Variants in RGS6 observed in about 807,000 individuals in gnomAD.
The protein encoded by RGS6 is regulator of G-protein signaling 6.
RGS6 carries 30 observed loss-of-function variants against 78.5 expected under a neutral mutation model. The observed-to-expected ratio is 0.38, with a 90% CI of 0.29 to 0.52. RGS6 has a LOEUF of 0.52. Among genes scored for constraint, RGS6 ranks in the 20% least tolerant of loss-of-function variants. The pLI is 0.85. For missense variants in RGS6, 495 were observed against 609.7 expected (o/e 0.81, Z 1.98); for synonymous variants, 206 against 206.0 (o/e 1.00, Z 0.00).
intron 2 of RGS6, among the ~76,000 whole-genome samples, chr14:72,278,386 C>T (rs1346139270): frequency 6.6e-6 from 1 of 152,188 alleles, no homozygotes; most frequent in East Asian, 1.9e-4. Flanking sequence ...CAAGAGCAGA[C>T]TTAGCTGACC....
chr14:72,449,401 G>C (rs1417902211), intron 3 of RGS6, among the ~76,000 whole-genome samples: 1 of 152,170 alleles, frequency 6.6e-6, no homozygotes, highest in Non-Finnish European at 1.5e-5. Context: ...CAGATTGATA[G>C]AATGCTTTGG....
chr14:72,299,942 C>A (rs551579810), intron 2 of RGS6, among the ~76,000 whole-genome samples: 2 of 151,952 alleles, frequency 1.3e-5, no homozygotes, highest in South Asian at 4.2e-4. Flanking sequence ...CTTTAAAGTG[C>A]CGACTTTTGG....
At chr14:72,450,357 A>G (rs576488141) in intron 3 of RGS6, among the ~76,000 whole-genome samples, 1 of 152,322 alleles carries the variant, frequency 6.6e-6, no homozygotes, top group Non-Finnish European at 1.5e-5. Flanking sequence ...GATATAAAAG[A>G]CATAATTGAA....
intron 1 of RGS6, among the ~76,000 whole-genome samples, chr14:71,963,646 C>T (rs995331067): frequency 7.9e-5 from 12 of 152,224 alleles, no homozygotes; most frequent in Admixed American, 7.2e-4. Context: ...AGCGTGTTTT[C>T]ACTTAGCATG....
Position 72,217,278 on chromosome 14 carries a change from T to G in RGS6, c.85-134817T>G, listed in dbSNP as rs368281178. ...TTTAATCAAGGTGATATGGGAGCAA[T>G]CTCATGAAAGTAGAATGGGAGGATG... On this transcript the variant is annotated intron_variant, in intron 2 of 17. Transcript: ENST00000553525. Among the ~76,000 whole-genome samples, 28 of 152,284 alleles carry G rather than the reference T, an allele frequency of 1.8e-4. No individual in the cohort carries two copies. In the South Asian group the frequency reaches 5.6e-3, roughly 30 times the overall value.
the RGS6 span, among the ~76,000 whole-genome samples, chr14:71,925,850 T>C: frequency 2.0e-5 from 3 of 152,022 alleles, no homozygotes; most frequent in African/African-American, 4.8e-5. Flanking sequence ...TAAAAATCAA[T>C]TGCATTTCAT....
intron 2 of RGS6, among the ~76,000 whole-genome samples, chr14:72,208,735 A>G (rs952404612): frequency 6.6e-6 from 1 of 152,176 alleles, no homozygotes; most frequent in African/African-American, 2.4e-5. Context: ...AAGTCTGCTA[A>G]TCGTATCAGC....
At chr14:71,975,597 T>C (rs1340985819) in intron 2 of RGS6, among the ~76,000 whole-genome samples, 1 of 152,112 alleles carries the variant, frequency 6.6e-6, no homozygotes, top group Non-Finnish European at 1.5e-5. Context: ...TAGCTGGGAC[T>C]AGAGGTGCGT....
At chr14:71,985,098 GTCA>G (rs1158013250) in intron 2 of RGS6, among the ~76,000 whole-genome samples, 1 of 152,042 alleles carries the variant, frequency 6.6e-6, no homozygotes, top group East Asian at 1.9e-4. Context: ...GCCATAATAT[GTCA>G]TCATTATCAT....
chr14:72,437,749 C>T (rs1467502199), intron 3 of RGS6, among the ~76,000 whole-genome samples: 3 of 152,188 alleles, frequency 2.0e-5, no homozygotes, highest in Non-Finnish European at 4.4e-5. Flanking sequence ...AGATGCCTGG[C>T]TCTGATGACA....
chr14:72,040,634 G>A (rs1490545271), intron 2 of RGS6, among the ~76,000 whole-genome samples: 1 of 152,016 alleles, frequency 6.6e-6, no homozygotes, highest in Non-Finnish European at 1.5e-5. Flanking sequence ...TGACTTTCTT[G>A]AATTTAGATG....
chr14:71,979,621 C>T (rs1219026924), intron 2 of RGS6, among the ~76,000 whole-genome samples: 2 of 151,522 alleles, frequency 1.3e-5, no homozygotes, highest in Non-Finnish European at 3.0e-5. Context: ...GCACTGTGGT[C>T]TGAGAGATAG....
chr14:72,493,455 A>G (rs2096604778), intron 12 of RGS6, among the ~76,000 whole-genome samples: 3 of 152,180 alleles, frequency 2.0e-5, no homozygotes, highest in Admixed American at 2.0e-4. Context: ...AGGAGATGAA[A>G]AATGGGAGGG....
At chr14:72,265,453 T>C (rs923064531) in intron 2 of RGS6, among the ~76,000 whole-genome samples, 2 of 152,136 alleles carry the variant, frequency 1.3e-5, no homozygotes, top group Non-Finnish European at 2.9e-5. Context: ...GGAGAAGACC[T>C]CTTGGGAACC....
intron 2 of RGS6, among the ~76,000 whole-genome samples, chr14:71,996,911 G>A (rs1456880133): frequency 6.6e-6 from 1 of 152,154 alleles, no homozygotes; most frequent in Non-Finnish European, 1.5e-5. Flanking sequence ...GGGTGGCATG[G>A]AGCCATTTCA....
intron 2 of RGS6, among the ~76,000 whole-genome samples, chr14:72,295,863 G>A (rs1567688229): frequency 6.6e-6 from 1 of 152,194 alleles, no homozygotes; most frequent in Non-Finnish European, 1.5e-5. Context: ...GTTTGTTTCA[G>A]TTATTTGTTT....
the RGS6 span, among the ~76,000 whole-genome samples, chr14:71,883,595 G>T: frequency 6.6e-6 from 1 of 152,154 alleles, no homozygotes; most frequent in Non-Finnish European, 1.5e-5. Context: ...CAAGAGGTGA[G>T]GCATTCTAAG....
At chr14:72,541,125 G>A in intron 17 of RGS6, 4 of 1,367,098 alleles carry the variant, frequency 2.9e-6, no homozygotes, top group South Asian at 1.1e-5. Context: ...GTCCCATGCA[G>A]GGAGCTGGCC....
At chr14:72,532,464 C>G (rs1396091115) in intron 15 of RGS6, among the ~76,000 whole-genome samples, 1 of 152,172 alleles carries the variant, frequency 6.6e-6, no homozygotes, top group Non-Finnish European at 1.5e-5. Context: ...GCAGTGGTCT[C>G]TAAGTGTTCA....
Sources: gnomAD v4.1 joint callset for allele counts (sites outside exome capture counted in the v4.1 genomes callset) on GRCh38, gnomAD v4.1.1 for gene constraint, MANE v1.5 for transcripts, NCBI Gene and HGNC (gene_info 2026-07-23, HGNC 2026-07-21) for gene names.